Variants in METTL16 observed in about 807,000 individuals in gnomAD.
METTL16 encodes RNA N(6)-adenosine-methyltransferase METTL16.
METTL16 carries 19 observed loss-of-function variants against 57.9 expected under a neutral mutation model. That is an observed-to-expected ratio of 0.33 (90% confidence interval 0.23 to 0.48). METTL16 has a LOEUF of 0.48. METTL16 is among the 20% of genes least tolerant of loss of function. The probability of loss-of-function intolerance (pLI) is 0.99; values close to 1 mark genes in which losing one functional copy is unlikely to be tolerated. For synonymous variants in METTL16, 246 were observed against 255.6 expected (o/e 0.96, Z 0.36); for missense variants, 434 against 691.5 (o/e 0.63, Z 4.18).
chr17:2,464,490 A>T, intron 5 of METTL16, 140 bp from the exon 6 acceptor site: 2 of 697,892 alleles, frequency 2.9e-6, no homozygotes. Flanking sequence ...TTTTAAAATC[A>T]TAGCCACTAA....
chr17:2,480,728 A>G (rs531913082), intron 2 of METTL16, among the ~76,000 whole-genome samples: 2 of 152,334 alleles, frequency 1.3e-5, no homozygotes, highest in South Asian at 2.1e-4. Flanking sequence ...ATCTGTGTCA[A>G]TGTGAATGAA....
At position 2,446,520 on chromosome 17, in the gene METTL16, C is replaced by T. The variant is rs541749064; in HGVS notation, c.729-4961G>A. On this transcript the variant is annotated intron_variant, in intron 6 of 9. Coordinates refer to ENST00000263092, the MANE Select transcript of METTL16 (RefSeq NM_024086.4). ...TGTTGGGGCCAGGTGCAGTGGCTCACACCTGTAATCTCAGCACTTTGGAAG... is the reference window on the plus strand; with the variant it reads ...TGTTGGGGCCAGGTGCAGTGGCTCATACCTGTAATCTCAGCACTTTGGAAG... 7.2e-5 allele frequency among the ~76,000 whole-genome samples: 11 copies of T among 152,266 alleles called. No homozygotes were observed. In the East Asian group the frequency reaches 1.7e-3, roughly 24 times the overall value.
At chr17:2,485,510 T>A (rs984095844) in intron 2 of METTL16, among the ~76,000 whole-genome samples, 1 of 152,188 alleles carries the variant, frequency 6.6e-6, no homozygotes, top group African/African-American at 2.4e-5. Context: ...CTCTACTCAA[T>A]TGTAAACAGT....
chr17:2,476,608 A>G (rs368638843), intron 3 of METTL16, among the ~76,000 whole-genome samples: 9 of 152,242 alleles, frequency 5.9e-5, no homozygotes, highest in African/African-American at 2.2e-4. Context: ...TGCAAATATC[A>G]AAGTTAAACA....
rs1468692516 is a variant in METTL16 at position 2,502,467 on chromosome 17, C to T, written c.1-136G>A. 24 of 686,586 alleles carry T rather than the reference C, an allele frequency of 3.5e-5. 1 individual carries two copies. Among genetic ancestry groups the T allele is most frequent in the Middle Eastern group, 4.0e-4 (1 of 2,498 alleles). The allele number at this position is 686,586 out of a possible 1,614,324, so 42.5% of individuals were successfully genotyped here. A position where few individuals can be genotyped will look rare whatever the true frequency, so the allele number is the denominator to read the frequency against. ...AAGTAGATCACCTGATTCAGGAGTTCAAGACCATCCCATCCTGGCCAACAT... is the reference window on the plus strand; with the variant it reads ...AAGTAGATCACCTGATTCAGGAGTTTAAGACCATCCCATCCTGGCCAACAT... On this transcript the variant is annotated intron_variant, in intron 1 of 9. Coordinates refer to ENST00000263092, the MANE Select transcript of METTL16 (RefSeq NM_024086.4).
At chr17:2,479,791 G>T (rs1057287298) in intron 2 of METTL16, among the ~76,000 whole-genome samples, 17 of 152,130 alleles carry the variant, frequency 1.1e-4, no homozygotes, top group African/African-American at 4.1e-4. Flanking sequence ...AAATGTTCTA[G>T]TATGGAAGTT....
chr17:2,470,392 C>CAGAG (rs1324581939), intron 4 of METTL16, among the ~76,000 whole-genome samples: 1 of 152,196 alleles, frequency 6.6e-6, no homozygotes, highest in South Asian at 2.1e-4. Flanking sequence ...AGTAAGAAGG[C>CAGAG]AGAGCATTGC....
At chr17:2,482,827 C>A (rs1362074353) in intron 2 of METTL16, among the ~76,000 whole-genome samples, 5 of 152,162 alleles carry the variant, frequency 3.3e-5, no homozygotes, top group Non-Finnish European at 4.4e-5. Context: ...AGGAGGATCA[C>A]TTGAGCCCAG....
intron 1 of METTL16, among the ~76,000 whole-genome samples, chr17:2,505,402 T>A (rs1377696040): frequency 1.3e-4 from 3 of 22,260 alleles, no homozygotes; most frequent in East Asian, 3.1e-3. Context: ...GGCATTTTTT[T>A]TTTTTTTTTT....
chr17:2,464,714 T>C (rs780120523), intron 5 of METTL16, among the ~76,000 whole-genome samples: 1 of 152,236 alleles, frequency 6.6e-6, no homozygotes, highest in Non-Finnish European at 1.5e-5. Flanking sequence ...GTTTTGCTTT[T>C]CACATTTAAA....
At chr17:2,432,171 C>G (rs1029391908) in intron 8 of METTL16, among the ~76,000 whole-genome samples, 1 of 152,136 alleles carries the variant, frequency 6.6e-6, no homozygotes, top group African/African-American at 2.4e-5. Flanking sequence ...AGGATGGTCT[C>G]GATCTCCTGA....
chr17:2,465,684 A>T (rs1299581239), intron 5 of METTL16, among the ~76,000 whole-genome samples: 1 of 148,728 alleles, frequency 6.7e-6, no homozygotes, highest in East Asian at 2.0e-4. Context: ...CCAACATGGT[A>T]AAACCCTGTC....
chr17:2,444,061 T>C, intron 6 of METTL16, among the ~76,000 whole-genome samples: 1 of 142,980 alleles, frequency 7.0e-6, no homozygotes, highest in Non-Finnish European at 1.5e-5. Flanking sequence ...GAGGCATATG[T>C]TAGTTAGTTT....
At chr17:2,505,834 A>G (rs749096869) in intron 1 of METTL16, among the ~76,000 whole-genome samples, 7 of 152,310 alleles carry the variant, frequency 4.6e-5, no homozygotes, top group South Asian at 2.1e-4. Flanking sequence ...CTCTTAGGAT[A>G]AAATAAAAAA....
intron 4 of METTL16, among the ~76,000 whole-genome samples, chr17:2,468,784 G>C (rs759778679): frequency 1.3e-5 from 2 of 152,200 alleles, no homozygotes; most frequent in Non-Finnish European, 2.9e-5. Context: ...AGCTACTTGG[G>C]AGGCTAAAGT....
intron 6 of METTL16, among the ~76,000 whole-genome samples, chr17:2,451,450 T>C (rs2067068981): frequency 6.6e-6 from 1 of 151,886 alleles, no homozygotes; most frequent in Non-Finnish European, 1.5e-5. Flanking sequence ...AAACCCTGTC[T>C]CTATTAAAAA....
chr17:2,501,648 A>G (rs1367282825), intron 2 of METTL16, among the ~76,000 whole-genome samples: 1 of 152,126 alleles, frequency 6.6e-6, no homozygotes, highest in African/African-American at 2.4e-5. Context: ...TCACGAGGTC[A>G]GGAGTTCCAG....
intron 1 of METTL16, among the ~76,000 whole-genome samples, chr17:2,511,547 T>C (rs2067589026): frequency 6.6e-6 from 1 of 152,046 alleles, no homozygotes; most frequent in Non-Finnish European, 1.5e-5. Context: ...TCTTTCCTAC[T>C]TCAGTCCTAG....
rs2066761477 is a variant in METTL16, at chr17:2,420,968, T to C, written c.889-64A>G. On this transcript the variant is annotated intron_variant, in intron 8 of 9. Transcript: ENST00000263092. This position sits in a 1 kb window ranked among gnomAD's most constrained non-coding sequence, Gnocchi z 5.4. ...ATCCGAATAATTAAACCTCATGCAT[T>C]GTAATGAACTCAGAGAAAATTTCCA... 2 of 1,542,998 alleles carry C rather than the reference T, an allele frequency of 1.3e-6. No individual in the cohort carries two copies. The highest frequency in any genetic ancestry group is 8.8e-7 in the Non-Finnish European group (1 of 1,136,398).
Sources: gnomAD v4.1 joint callset for allele counts (sites outside exome capture counted in the v4.1 genomes callset) on GRCh38, gnomAD v4.1.1 for gene constraint, Gnocchi (gnomAD v3.1) non-coding constraint, MANE v1.5 for transcripts, NCBI Gene and HGNC (gene_info 2026-07-23, HGNC 2026-07-21) for gene names.